ATRNL1: variants seen among roughly 807,000 people sequenced by gnomAD.
ATRNL1 encodes attractin like 1.
ATRNL1 carries 95 observed loss-of-function variants against 182.7 expected under a neutral mutation model. The ratio of observed to expected loss-of-function variants is 0.52; its 90% CI spans 0.44 to 0.62. The LOEUF is 0.62. Ranked by LOEUF, ATRNL1 falls within the 20% of genes least tolerant of loss-of-function variation. ATRNL1 has a pLI of 0.00. For missense variants in ATRNL1, 1,471 were observed against 1,679.5 expected, an observed-to-expected ratio of 0.88 and a Z score of 2.17; for synonymous variants, 576 against 568.3, an observed-to-expected ratio of 1.01 and a Z score of -0.19.
At chr10:115,633,290 TTC>T (rs1858640616) in intron 26 of ATRNL1, among the ~76,000 whole-genome samples, 1 of 152,188 alleles carries the variant, frequency 6.6e-6, no homozygotes, top group Non-Finnish European at 1.5e-5. Context: ...GGATAACCAC[TTC>T]TATCTTGAAA....
At chr10:115,648,966 A>T (rs973882846) in intron 26 of ATRNL1, among the ~76,000 whole-genome samples, 1 of 152,074 alleles carries the variant, frequency 6.6e-6, no homozygotes, top group Non-Finnish European at 1.5e-5. Context: ...TAGCCTCTGT[A>T]ACTCTCTAGG....
At chr10:115,479,030 A>G (rs1554973636) in intron 24 of ATRNL1, among the ~76,000 whole-genome samples, 1 of 151,588 alleles carries the variant, frequency 6.6e-6, no homozygotes, top group African/African-American at 2.4e-5. Flanking sequence ...AAAGACAGTG[A>G]TAATAACTGT....
At chr10:115,179,631 T>C (rs1253346613) in intron 8 of ATRNL1, among the ~76,000 whole-genome samples, 1 of 152,138 alleles carries the variant, frequency 6.6e-6, no homozygotes, top group East Asian at 1.9e-4. Context: ...TTTTTAGAGA[T>C]TCAAATATAA....
intron 27 of ATRNL1, among the ~76,000 whole-genome samples, chr10:115,783,116 C>G (rs1276427306): frequency 3.9e-5 from 6 of 152,032 alleles, no homozygotes; most frequent in Non-Finnish European, 7.4e-5. Flanking sequence ...TTGTGGACAT[C>G]TAAAGTCTAA....
intron 28 of ATRNL1, among the ~76,000 whole-genome samples, chr10:115,906,949 T>G (rs1952522112): frequency 7.8e-6 from 1 of 128,480 alleles, no homozygotes; most frequent in Non-Finnish European, 1.5e-5. Flanking sequence ...TCAATGAGCA[T>G]TTCCTTTAAA....
At chr10:115,411,286 A>ATTTTT (rs1554959858) in intron 20 of ATRNL1, among the ~76,000 whole-genome samples, 1 of 150,914 alleles carries the variant, frequency 6.6e-6, no homozygotes, top group African/African-American at 2.4e-5. Flanking sequence ...TTAAATTTAA[A>ATTTTT]ATTTTAATTT....
At chr10:115,753,803 G>A (rs1948512926) in intron 27 of ATRNL1, among the ~76,000 whole-genome samples, 1 of 152,168 alleles carries the variant, frequency 6.6e-6, no homozygotes, top group Non-Finnish European at 1.5e-5. Context: ...CAGTGTAAAA[G>A]CTTTCCTATT....
At chr10:115,398,887 C>T (rs949849221) in intron 20 of ATRNL1, among the ~76,000 whole-genome samples, 43 of 152,006 alleles carry the variant, frequency 2.8e-4, no homozygotes, top group African/African-American at 9.9e-4. Context: ...CCTTCAGTAC[C>T]TAATTTGCTG....
intron 1 of ATRNL1, among the ~76,000 whole-genome samples, chr10:115,095,614 A>T (rs1329993459): frequency 2.0e-5 from 3 of 152,192 alleles, no homozygotes; most frequent in African/African-American, 7.2e-5. Context: ...AATACTTTTT[A>T]AAAAAATTAG....
intron 28 of ATRNL1, among the ~76,000 whole-genome samples, chr10:115,883,836 A>G (rs1951883002): frequency 6.6e-6 from 1 of 152,222 alleles, no homozygotes; most frequent in Non-Finnish European, 1.5e-5. Flanking sequence ...ACCAGTTCAG[A>G]AATGGCCTAC....
chr10:115,385,040 C>G (rs1858255401), intron 19 of ATRNL1, among the ~76,000 whole-genome samples: 1 of 151,736 alleles, frequency 6.6e-6, no homozygotes, highest in Admixed American at 6.6e-5. Context: ...TCTTGCATTT[C>G]TCTTGGGTAA....
chr10:115,765,693 T>C (rs934227499), intron 27 of ATRNL1, among the ~76,000 whole-genome samples: 1 of 152,220 alleles, frequency 6.6e-6, no homozygotes, highest in East Asian at 1.9e-4. Flanking sequence ...TTTGGTGTTA[T>C]ATGTAAAAAA....
At chr10:115,244,168 T>G (rs1554903562) in intron 10 of ATRNL1, among the ~76,000 whole-genome samples, 1 of 152,136 alleles carries the variant, frequency 6.6e-6, no homozygotes, top group African/African-American at 2.4e-5. Flanking sequence ...TTTTGGTGCA[T>G]TTATGGAAGG....
At chr10:115,492,682 T>C (rs1849361751) in intron 24 of ATRNL1, among the ~76,000 whole-genome samples, 2 of 148,250 alleles carry the variant, frequency 1.3e-5, no homozygotes, top group African/African-American at 5.0e-5. Flanking sequence ...CTCACTCTGT[T>C]GCCTAGGCTG....
chr10:115,428,826 G>T (rs183418694), intron 21 of ATRNL1, among the ~76,000 whole-genome samples: 46 of 152,044 alleles, frequency 3.0e-4, no homozygotes, highest in African/African-American at 8.9e-4. Context: ...GTCTTTATGT[G>T]AACATATGTT....
At chr10:115,329,272 T>C (rs1554934334) in intron 18 of ATRNL1, among the ~76,000 whole-genome samples, 1 of 151,538 alleles carries the variant, frequency 6.6e-6, no homozygotes, top group African/African-American at 2.4e-5. Flanking sequence ...ATGATTTTGA[T>C]ATATTTAATT....
intron 26 of ATRNL1, among the ~76,000 whole-genome samples, chr10:115,632,416 G>C (rs1215382735): frequency 6.6e-6 from 1 of 152,084 alleles, no homozygotes; most frequent in Non-Finnish European, 1.5e-5. Context: ...AATCAAGTTG[G>C]TTATAAATAA....
intron 24 of ATRNL1, among the ~76,000 whole-genome samples, chr10:115,511,397 C>T (rs957145488): frequency 6.6e-6 from 1 of 151,874 alleles, no homozygotes; most frequent in Non-Finnish European, 1.5e-5. Flanking sequence ...TAACTAGCAT[C>T]CTTTATGTAA....
At chr10:115,254,110 C>A (rs1851008872) in intron 10 of ATRNL1, among the ~76,000 whole-genome samples, 2 of 152,138 alleles carry the variant, frequency 1.3e-5, no homozygotes, top group African/African-American at 2.4e-5. Context: ...GTGCATGTGT[C>A]TTTATAGTAG....
Sources: allele counts gnomAD v4.1 joint callset (sites outside exome capture counted in the v4.1 genomes callset), GRCh38; gene constraint gnomAD v4.1.1; transcripts MANE v1.5; gene names NCBI Gene and HGNC (gene_info 2026-07-23, HGNC 2026-07-21).